The following ITPR2 variants were observed in gnomAD, a reference collection of about 807,000 sequenced individuals.
ITPR2 encodes the protein inositol 1,4,5-trisphosphate receptor type 2, also known as inositol 1,4,5-trisphosphate-gated calcium channel ITPR2.
In ITPR2, 207 loss-of-function variants were observed where a neutral mutation model predicts 317.1. The ratio of observed to expected loss-of-function variants is 0.65; its 90% CI spans 0.58 to 0.73. The LOEUF (loss-of-function observed/expected upper bound fraction) is 0.73, where lower values mean the gene tolerates loss of function less well. Among genes scored for constraint, ITPR2 ranks in the 30% least tolerant of loss-of-function variants. The pLI, the probability that ITPR2 is intolerant of heterozygous loss-of-function variation, is 0.00. For synonymous variants in ITPR2, 1,156 were observed against 1,149.1 expected (o/e 1.01, Z -0.12); for missense variants, 2,613 against 3,284.0 (o/e 0.80, Z 4.99).
At chr12:26,687,302 C>T (rs150954640) in intron 10 of ITPR2, among the ~76,000 whole-genome samples, 7 of 152,230 alleles carry the variant, frequency 4.6e-5, no homozygotes, top group African/African-American at 1.7e-4. Flanking sequence ...GTCCCAGTAC[C>T]CCATGGAAGA....
At chr12:26,802,319 T>C (rs2137243715) in intron 1 of ITPR2, among the ~76,000 whole-genome samples, 1 of 151,900 alleles carries the variant, frequency 6.6e-6, no homozygotes, top group Admixed American at 6.6e-5. Context: ...ATAAAAATAA[T>C]TTTTAAAAAA....
intron 55 of ITPR2, among the ~76,000 whole-genome samples, chr12:26,373,283 G>C (rs1473577578): frequency 3.9e-5 from 6 of 152,146 alleles, no homozygotes; most frequent in Admixed American, 3.3e-4. Flanking sequence ...GAAGTCACTT[G>C]GATTCTCATT....
intron 2 of ITPR2, among the ~76,000 whole-genome samples, chr12:26,746,296 A>G (rs1220527595): frequency 6.6e-6 from 1 of 152,174 alleles, no homozygotes; most frequent in South Asian, 2.1e-4. Flanking sequence ...ATGCAAATGG[A>G]GGGAACCTGG....
chr12:26,526,224 ATGT>A (rs1943805630), intron 37 of ITPR2, among the ~76,000 whole-genome samples: 1 of 152,238 alleles, frequency 6.6e-6, no homozygotes, highest in Non-Finnish European at 1.5e-5. Flanking sequence ...AAATGAATAA[ATGT>A]TGTAATAGAG....
intron 10 of ITPR2, among the ~76,000 whole-genome samples, chr12:26,690,547 C>T (rs1359237701): frequency 6.6e-6 from 1 of 152,172 alleles, no homozygotes; most frequent in Non-Finnish European, 1.5e-5. Context: ...GTGGTTTATT[C>T]ATCAGTCTTT....
chr12:26,558,921 A>G (rs1256885027), intron 35 of ITPR2, among the ~76,000 whole-genome samples: 2 of 152,170 alleles, frequency 1.3e-5, no homozygotes, highest in East Asian at 3.9e-4. Flanking sequence ...TTTCTCTCCC[A>G]TTACTTCCTA....
rs188086037 is a variant in ITPR2, at chr12:26,712,826, G to A, written c.856-1558C>T. On this transcript the variant is annotated intron_variant, in intron 8 of 56. Transcript: ENST00000381340. ...GAGATTTGGAAGGGAGGGTGTTTTT[G>A]TTTATCACAATGATTTTGGAGGGAT... Among the ~76,000 whole-genome samples, 3 of 152,328 alleles carry A rather than the reference G, an allele frequency of 2.0e-5. 1 individual carries two copies. The East Asian group carries it at 5.8e-4, about 29-fold the overall frequency.
At chr12:26,397,419 C>G (rs1461414657) in intron 54 of ITPR2, among the ~76,000 whole-genome samples, 1 of 151,908 alleles carries the variant, frequency 6.6e-6, no homozygotes, top group Non-Finnish European at 1.5e-5. Flanking sequence ...AAAGGCTTTC[C>G]TGACTCTTCT....
intron 55 of ITPR2, among the ~76,000 whole-genome samples, chr12:26,355,282 T>C (rs2136566251): frequency 6.6e-6 from 1 of 152,354 alleles, no homozygotes; most frequent in Middle Eastern, 3.4e-3. Flanking sequence ...TAGGTACACA[T>C]TGGAGCATAA....
At chr12:26,401,576 C>G (rs1289249145) in intron 52 of ITPR2, among the ~76,000 whole-genome samples, 1 of 152,104 alleles carries the variant, frequency 6.6e-6, no homozygotes, top group Non-Finnish European at 1.5e-5. Flanking sequence ...ATCAGAAATT[C>G]CTAACACTGG....
At position 26,589,785 on chromosome 12, in the gene ITPR2, TC is replaced by T. The variant is rs1480951117; in HGVS notation, c.4380+5679del. Among the ~76,000 whole-genome samples the T allele has an allele frequency of 3.8e-3, 207 of 53,788 alleles. 5 individuals are homozygous for T. Among genetic ancestry groups the T allele is most frequent in the African/African-American group, 1.0e-2 (186 of 18,690 alleles). 35.3% of individuals were successfully genotyped at this position (53,788 alleles called of 152,430 possible). ...CTGAGTGAAAGAACGAAACTCTGTTTCAAAAAAAAAAATAAATAAATAAAAA... is the reference window on the plus strand; with the variant it reads ...CTGAGTGAAAGAACGAAACTCTGTTTAAAAAAAAAAATAAATAAATAAAAA... On this transcript the variant is annotated intron_variant, in intron 32 of 56. Transcript: ENST00000381340.
intron 42 of ITPR2, among the ~76,000 whole-genome samples, chr12:26,483,170 G>A (rs1038035887): frequency 6.6e-6 from 1 of 152,162 alleles, no homozygotes; most frequent in African/African-American, 2.4e-5. Flanking sequence ...AGTCAAAAGA[G>A]CACTCGATTT....
rs1331637724 is a variant in ITPR2 at position 26,833,148 on chromosome 12, C to G, written c.-367G>C. The G allele has an allele frequency of 8.5e-6, 2 of 234,920 alleles. No homozygotes were observed. The highest frequency in any genetic ancestry group is 8.2e-6 in the Non-Finnish European group (1 of 122,372). The allele number at this position is 234,920 out of a possible 1,614,324, so 14.6% of individuals were successfully genotyped here. A position where few individuals can be genotyped will look rare whatever the true frequency, so the allele number is the denominator to read the frequency against. Reference sequence around the variant, plus strand: ...CCGCTCCCCACTCCGTGTCCACTCCCTGCTCTGCGACCCGCTGCGGCCGTC... The same window carrying G: ...CCGCTCCCCACTCCGTGTCCACTCCGTGCTCTGCGACCCGCTGCGGCCGTC... On this transcript the variant is annotated 5_prime_UTR_variant, in exon 1 of 57. Transcript: ENST00000381340.
At chr12:26,755,242 C>A (rs1358539918) in intron 2 of ITPR2, among the ~76,000 whole-genome samples, 1 of 152,184 alleles carries the variant, frequency 6.6e-6, no homozygotes, top group Non-Finnish European at 1.5e-5. Context: ...CCACAAACAA[C>A]TGTTATCTTG....
At chr12:26,446,753 C>G (rs1019637176) in intron 45 of ITPR2, among the ~76,000 whole-genome samples, 1 of 136,734 alleles carries the variant, frequency 7.3e-6, no homozygotes, top group African/African-American at 2.7e-5. Context: ...AAAAAAACAC[C>G]CACCTAGGCC....
At chr12:26,433,495 T>C (rs1941273707) in intron 48 of ITPR2, among the ~76,000 whole-genome samples, 1 of 152,050 alleles carries the variant, frequency 6.6e-6, no homozygotes, top group Non-Finnish European at 1.5e-5. Flanking sequence ...AAATTTGTAG[T>C]GTAATTGTTT....
At chr12:26,784,292 TCTCCCTCTCCCTCTCCCTCTC>T (rs1565762252) in intron 2 of ITPR2, among the ~76,000 whole-genome samples, 7 of 6,574 alleles carry the variant, frequency 1.1e-3, no homozygotes, top group East Asian at 4.2e-3. Context: ...TCCCTCTCCC[TCTCCCTCTCCCTCTCCCTCTC>T]CCTCTGCCTC....
rs144769213 is a variant in ITPR2 at position 26,812,179 on chromosome 12, T to G, written c.92+20511A>C. On this transcript the variant is annotated intron_variant, in intron 1 of 56. Transcript: ENST00000381340. ...CTCCATCTCAAAAAAAAAAAAAAAGTAAAGAAATATAGAAAAATAATCCGT... is the reference window on the plus strand; with the variant it reads ...CTCCATCTCAAAAAAAAAAAAAAAGGAAAGAAATATAGAAAAATAATCCGT... 2.8e-5 allele frequency among the ~76,000 whole-genome samples: 4 copies of G among 140,378 alleles called. No homozygotes were observed. The East Asian group carries it at 8.6e-4, about 30-fold the overall frequency. 92.1% of individuals were successfully genotyped at this position (140,378 alleles called of 152,430 possible).
intron 55 of ITPR2, among the ~76,000 whole-genome samples, chr12:26,358,871 C>T (rs1218385910): frequency 6.6e-6 from 1 of 152,120 alleles, no homozygotes; most frequent in Non-Finnish European, 1.5e-5. Flanking sequence ...CTGTTCCCAC[C>T]AGGGGTTGGC....
Sources: allele counts gnomAD v4.1 joint callset (sites outside exome capture counted in the v4.1 genomes callset), GRCh38; gene constraint gnomAD v4.1.1; transcripts MANE v1.5; gene names NCBI Gene and HGNC (gene_info 2026-07-23, HGNC 2026-07-21).